HTT: variants seen among roughly 807,000 people sequenced by gnomAD.
HTT encodes the protein huntington disease protein.
Under a neutral mutation model 362.3 loss-of-function variants are expected in HTT, and 104 were observed. That is an observed-to-expected ratio of 0.29 (90% CI 0.24 to 0.34). The LOEUF is 0.34. HTT is among the 10% of genes least tolerant of loss of function. The probability of loss-of-function intolerance (pLI) is 1.00; values close to 1 mark genes in which losing one functional copy is unlikely to be tolerated. For synonymous variants in HTT, 1,577 were observed against 1,548.7 expected, an observed-to-expected ratio of 1.02 and a Z score of -0.43; for missense variants, 3,301 against 3,928.6, an observed-to-expected ratio of 0.84 and a Z score of 4.27.
intron 35 of HTT, among the ~76,000 whole-genome samples, chr4:3,179,356 A>G (rs1718387599): frequency 6.6e-6 from 1 of 152,370 alleles, no homozygotes; most frequent in Admixed American, 6.5e-5. Flanking sequence ...GTCTTTGGAC[A>G]GAAAATCAGT....
chr4:3,110,891 C>T (rs1049925315), intron 6 of HTT, among the ~76,000 whole-genome samples: 4 of 152,174 alleles, frequency 2.6e-5, no homozygotes, highest in Admixed American at 6.5e-5. Flanking sequence ...TGTGTTCTCT[C>T]CTGAAATTGG....
intron 1 of HTT, among the ~76,000 whole-genome samples, chr4:3,079,703 G>T (rs1026464543): frequency 2.6e-5 from 4 of 152,182 alleles, no homozygotes; most frequent in African/African-American, 7.2e-5. Flanking sequence ...GTCACTGGAG[G>T]ATTAGAGCAG....
chr4:3,099,467 G>A (rs935652728), intron 3 of HTT, 73 bp downstream of exon 3: 7 of 1,592,088 alleles, frequency 4.4e-6, no homozygotes, highest in African/African-American at 2.7e-5. Flanking sequence ...CGATCATTGA[G>A]TGTTCTTCTG....
chr4:3,176,168 C>T (rs1718234368), intron 33 of HTT, among the ~76,000 whole-genome samples: 2 of 152,016 alleles, frequency 1.3e-5, no homozygotes, highest in African/African-American at 2.4e-5. Context: ...GCTGGGACTA[C>T]AGGCACCCAC....
chr4:3,081,084 G>A (rs1027358609), intron 1 of HTT, among the ~76,000 whole-genome samples: 5 of 152,134 alleles, frequency 3.3e-5, no homozygotes, highest in Admixed American at 1.3e-4. Context: ...TTGCATTTCC[G>A]TACGAATTGT....
In HTT at chr4:3,115,404, G is replaced by A; in HGVS notation, c.848G>A (p.Arg283Lys). The A allele has an allele frequency of 6.2e-7, 1 of 1,613,892 alleles. No individual in the cohort carries two copies. Among genetic ancestry groups the A allele is most frequent in the Non-Finnish European group, 8.5e-7 (1 of 1,179,758 alleles). The change falls in exon 7 of 67, where the codon AGG becomes AAG. Residue 283 changes from arginine to lysine, a missense_variant. Coordinates refer to ENST00000355072, the MANE Select transcript of HTT (RefSeq NM_001388492.1). The stretch of plus-strand genomic sequence containing the variant: ...GTGAGCATCTGCCAGCACTCAAGAA[G>A]GACACAATATTTCTATAGTTGGCTA... ...SAVSICQHSR[R>K]TQYFYSWLLN...
In HTT at chr4:3,127,414, C is replaced by T; in HGVS notation, c.1553C>T (p.Thr518Ile). The T allele has an allele frequency of 6.2e-7, 1 of 1,614,152 alleles. No individual in the cohort carries two copies. Among genetic ancestry groups the T allele is most frequent in the Non-Finnish European group, 8.5e-7 (1 of 1,180,014 alleles). ...GTGGATCTGGCCAGCTGTGACTTGA[C>T]AAGCTCTGCCACTGATGGGGATGAG... is the stretch of plus-strand genomic sequence containing the variant. The part of the protein sequence containing the change: ...DSVDLASCDL[T>I]SSATDGDEED... Residue 518 changes from threonine to isoleucine, a missense_variant, in exon 12 of 67, where the codon ACA (threonine) becomes ATA (isoleucine). Physicochemically the swap from Thr to Ile is moderately conservative, Grantham distance 89. Coordinates refer to ENST00000355072, the MANE Select transcript of HTT (RefSeq NM_001388492.1).
chr4:3,148,123 G>A lies in HTT; in HGVS notation c.3414G>A (p.Val1138=). 1 of 1,613,960 alleles carries A rather than the reference G, an allele frequency of 6.2e-7. No homozygotes were observed. Among genetic ancestry groups the A allele is most frequent in the Non-Finnish European group, 8.5e-7 (1 of 1,179,930 alleles). Residue 1138 remains valine (V), a synonymous_variant, in exon 26 of 67, where the codon GTG becomes GTA. Transcript: ENST00000355072. ...GGGACCGGGCCCTGGTGCCCATGGT[G>A]GAGCAGCTCTTCTCTCACCTGCTGA... ...ALGDRALVPM[V]EQLFSHLLKV...
rs371261459 is a variant in HTT at position 3,171,411 on chromosome 4, A to G, written c.3865-909A>G. On this transcript the variant is annotated intron_variant, in intron 29 of 66. Transcript: ENST00000355072. ...AACAGGCTGTGCATTCTGAATGCCT[A>G]GGTATCTAGGCATTCAGAATGGTGG... 4.0e-5 allele frequency among the ~76,000 whole-genome samples: 6 copies of G among 151,482 alleles called. No homozygotes were observed. The East Asian group carries it at 1.2e-3, about 29-fold the overall frequency.
intron 26 of HTT, among the ~76,000 whole-genome samples, chr4:3,152,595 A>G (rs2110210190): frequency 6.6e-6 from 1 of 151,968 alleles, no homozygotes; most frequent in East Asian, 1.9e-4. Flanking sequence ...TGTCTCTGTG[A>G]CTCTACGTCT....
chr4:3,094,795 T>C (rs1175946759), intron 2 of HTT, among the ~76,000 whole-genome samples: 2 of 146,026 alleles, frequency 1.4e-5, no homozygotes, highest in Non-Finnish European at 3.0e-5. Flanking sequence ...GCGGAGGGGC[T>C]CCTCACTTCT....
chr4:3,098,607 A>G (rs1713989720), intron 2 of HTT, among the ~76,000 whole-genome samples: 1 of 152,226 alleles, frequency 6.6e-6, no homozygotes, highest in Non-Finnish European at 1.5e-5. Flanking sequence ...GATGGCCTAA[A>G]CAGCTTCTTT....
intron 12 of HTT, chr4:3,129,142 T>C (rs1264890990): frequency 6.6e-6 from 1 of 152,242 alleles, no homozygotes; most frequent in Non-Finnish European, 1.5e-5. Context: ...CACATTTTGC[T>C]TTTCCATTCC....
intron 37 of HTT, among the ~76,000 whole-genome samples, chr4:3,182,683 A>G (rs1041376679): frequency 2.6e-5 from 4 of 152,112 alleles, no homozygotes; most frequent in African/African-American, 9.7e-5. Flanking sequence ...GGGATCCCAC[A>G]GCTCCGAGAG....
At chr4:3,189,229 TA>T in intron 40 of HTT, 136 bp downstream of exon 40, 1 of 857,208 alleles carries the variant, frequency 1.2e-6, no homozygotes, top group Non-Finnish European at 1.8e-6. Context: ...TTTGTTGCTG[TA>T]AGAGTACACC....
At chr4:3,212,464 T>G in intron 48 of HTT, 100 bp from the exon 49 acceptor site, 67 of 1,429,080 alleles carry the variant, frequency 4.7e-5, no homozygotes, top group Non-Finnish European at 5.7e-5. Context: ...AACAATGTCT[T>G]GAGCTTTCAT....
intron 64 of HTT, among the ~76,000 whole-genome samples, chr4:3,238,222 A>G (rs543340308): frequency 1.3e-5 from 2 of 152,192 alleles, no homozygotes; most frequent in Non-Finnish European, 2.9e-5. Flanking sequence ...TCCACGAGCT[A>G]GACAGAGGAA....
chr4:3,146,926 T>G lies in HTT; in HGVS notation c.3273T>G (p.Ile1091Met), dbSNP rs1143646. The change falls in exon 25 of 67, where the codon ATT (isoleucine) becomes ATG (methionine). Residue 1091 changes from isoleucine (I) to methionine (M), a missense_variant. Coordinates refer to ENST00000355072, the MANE Select transcript of HTT (RefSeq NM_001388492.1). ...TCTCAGCCCATCAAGATGCTTTGAT[T>G]TTGGCCGGAAACTTGCTTGCAGGTA... ...LDLSAHQDAL[I>M]LAGNLLAASA... is the part of the protein sequence containing the mutation. The G allele has an allele frequency of 0.048, 77,989 of 1,613,944 alleles. 2,183 individuals are homozygous for G. Among genetic ancestry groups the G allele is most frequent in the South Asian group, 0.061 (5,548 of 91,074 alleles).
intron 6 of HTT, among the ~76,000 whole-genome samples, chr4:3,108,288 C>G (rs1156575161): frequency 6.6e-6 from 1 of 152,146 alleles, no homozygotes; most frequent in Admixed American, 6.5e-5. Flanking sequence ...TCTTGAGCTT[C>G]GAAGTTTTCT....
Sources: allele counts gnomAD v4.1 joint callset (sites outside exome capture counted in the v4.1 genomes callset), GRCh38; gene constraint gnomAD v4.1.1; transcripts MANE v1.5; gene names NCBI Gene and HGNC (gene_info 2026-07-23, HGNC 2026-07-21).